The following ITGA8 variants were observed in gnomAD, a reference collection of about 807,000 sequenced individuals.
The protein encoded by ITGA8 is integrin alpha-8.
Under a neutral mutation model 142.3 loss-of-function variants are expected in ITGA8, and 91 were observed. The ratio of observed to expected loss-of-function variants is 0.64; its 90% CI spans 0.54 to 0.76. The LOEUF is 0.76. Among genes scored for constraint, ITGA8 ranks in the 30% least tolerant of loss-of-function variants. The probability of loss-of-function intolerance (pLI) is 0.00; values close to 1 mark genes in which losing one functional copy is unlikely to be tolerated. For missense variants in ITGA8, 1,406 were observed against 1,327.7 expected (o/e 1.06, Z -0.92); for synonymous variants, 505 against 485.2 (o/e 1.04, Z -0.54).
In ITGA8 at chr10:15,667,432, G is replaced by T. The variant is rs535528859; in HGVS notation, c.847+4171C>A. 2.0e-5 allele frequency among the ~76,000 whole-genome samples: 3 copies of T among 152,016 alleles called. No homozygotes were observed. The South Asian group carries it at 6.3e-4, about 32-fold the overall frequency. ...CTTTTCTTCTTTATTAGTCTTGCTAGTGGTCTATCAATTTTGTTGATCTTT... is the reference window on the plus strand; with the variant it reads ...CTTTTCTTCTTTATTAGTCTTGCTATTGGTCTATCAATTTTGTTGATCTTT... On this transcript the variant is annotated intron_variant, in intron 8 of 29. Transcript: ENST00000378076.
At chr10:15,658,521 T>G (rs202187514) in intron 10 of ITGA8, among the ~76,000 whole-genome samples, 9 of 123,904 alleles carry the variant, frequency 7.3e-5, no homozygotes, top group Admixed American at 1.7e-4. Flanking sequence ...TCTTCACACA[T>G]GTCTGGCTGG....
chr10:15,641,703 A>C (rs574164979), intron 13 of ITGA8, among the ~76,000 whole-genome samples: 158 of 152,284 alleles, frequency 1.0e-3, no homozygotes, highest in Non-Finnish European at 1.5e-3. Flanking sequence ...TTAGTAAAGA[A>C]CATTTACTTC....
chr10:15,577,617 G>A (rs984668703), intron 23 of ITGA8, among the ~76,000 whole-genome samples: 4 of 151,844 alleles, frequency 2.6e-5, no homozygotes, highest in African/African-American at 7.3e-5. Context: ...TTTACCCACC[G>A]AAGACTACTT....
intron 2 of ITGA8, among the ~76,000 whole-genome samples, chr10:15,718,256 C>A (rs1835490020): frequency 6.6e-6 from 1 of 152,184 alleles, no homozygotes; most frequent in African/African-American, 2.4e-5. Context: ...AGTTTGCATT[C>A]AATGTCTAAT....
chr10:15,523,756 C>CAAA (rs11388685), intron 28 of ITGA8, among the ~76,000 whole-genome samples: 15,135 of 116,796 alleles, frequency 0.13, 1,036 homozygotes, highest in African/African-American at 0.18. Flanking sequence ...CTAAAAATAC[C>CAAA]AAAAAAAAAA....
chr10:15,565,421 G>A (rs1282640577), intron 25 of ITGA8, among the ~76,000 whole-genome samples: 2 of 151,958 alleles, frequency 1.3e-5, no homozygotes, highest in African/African-American at 2.4e-5. Context: ...AGACAGCCGA[G>A]TATTGAAGGG....
At chr10:15,581,612 G>A (rs1834408109) in intron 23 of ITGA8, among the ~76,000 whole-genome samples, 1 of 152,056 alleles carries the variant, frequency 6.6e-6, no homozygotes, top group Non-Finnish European at 1.5e-5. Flanking sequence ...CTTTATAATT[G>A]GATAAACTTT....
At chr10:15,583,702 G>T (rs1025749083) in intron 23 of ITGA8, among the ~76,000 whole-genome samples, 1 of 152,024 alleles carries the variant, frequency 6.6e-6, no homozygotes, top group Non-Finnish European at 1.5e-5. Flanking sequence ...CCAGGGTCTC[G>T]GGGTGGGGAA....
At chr10:15,590,513 A>C (rs1832905586) in intron 22 of ITGA8, among the ~76,000 whole-genome samples, 1 of 152,246 alleles carries the variant, frequency 6.6e-6, no homozygotes, top group Non-Finnish European at 1.5e-5. Context: ...ATCTTTCCAC[A>C]GGTGACACAA....
At chr10:15,702,122 T>A (rs193061881) in intron 2 of ITGA8, among the ~76,000 whole-genome samples, 2 of 152,292 alleles carry the variant, frequency 1.3e-5, no homozygotes, top group East Asian at 3.8e-4. Context: ...ATATCACAGT[T>A]TTCCTTACGA....
chr10:15,599,407 T>G (rs949032944), intron 20 of ITGA8, among the ~76,000 whole-genome samples: 11 of 152,146 alleles, frequency 7.2e-5, no homozygotes, highest in African/African-American at 2.7e-4. Context: ...TGAGACCCCT[T>G]GTCCTCACTG....
rs186945908 is a variant in ITGA8, at chr10:15,666,019, C to T, written c.848-5097G>A. Among the ~76,000 whole-genome samples, 645 of 152,138 alleles carry T rather than the reference C, an allele frequency of 4.2e-3. 3 individuals are homozygous for T. The highest frequency in any genetic ancestry group is 7.6e-3 in the Non-Finnish European group (517 of 67,988). Reference sequence around the variant, plus strand: ...AAGCCGGCTCTTTTTTGGTTCCATACGAACTTTAAAGTAGTTTTTTTCCAA... The same window carrying T: ...AAGCCGGCTCTTTTTTGGTTCCATATGAACTTTAAAGTAGTTTTTTTCCAA... On this transcript the variant is annotated intron_variant, in intron 8 of 29. Coordinates refer to ENST00000378076, the MANE Select transcript of ITGA8 (RefSeq NM_003638.3).
chr10:15,607,537 T>A, intron 17 of ITGA8, 140 bp downstream of exon 17: 1 of 780,306 alleles, frequency 1.3e-6, no homozygotes, highest in South Asian at 1.7e-5. Flanking sequence ...TATTTGACCC[T>A]AAAATAAAGT....
At chr10:15,554,282 G>T (rs17137460) in intron 26 of ITGA8, among the ~76,000 whole-genome samples, 1 of 152,016 alleles carries the variant, frequency 6.6e-6, no homozygotes, top group Non-Finnish European at 1.5e-5. Context: ...TGATAACTCC[G>T]ACCGGGACCC....
chr10:15,572,250 C>T lies in ITGA8; in HGVS notation c.2598G>A (p.Gln866=), dbSNP rs1257696661. Residue 866 remains glutamine, a synonymous_variant, in exon 25 of 30, where the codon CAG becomes CAA. Coordinates refer to ENST00000378076, the MANE Select transcript of ITGA8 (RefSeq NM_003638.3). ...GATTGATATTAGGATTTGGTTGGCA[C>T]TGCAGAGGTCCCAGAGTTTGAATAT... ...IFHIQTLGPL[Q]CQPNPNINPQ... is the part of the protein sequence containing the mutation. 1 of 1,613,882 alleles carries T rather than the reference C, an allele frequency of 6.2e-7. No individual in the cohort carries two copies. The highest frequency in any genetic ancestry group is 2.2e-5 in the East Asian group (1 of 44,882).
chr10:15,690,029 T>A (rs1834903793), intron 2 of ITGA8, among the ~76,000 whole-genome samples: 1 of 152,010 alleles, frequency 6.6e-6, no homozygotes, highest in South Asian at 2.1e-4. Flanking sequence ...GACTCTGCAC[T>A]CGAGCCCGTG....
intron 27 of ITGA8, among the ~76,000 whole-genome samples, chr10:15,531,507 TC>T (rs1365411526): frequency 7.2e-6 from 1 of 139,324 alleles, no homozygotes; most frequent in Non-Finnish European, 1.6e-5. Flanking sequence ...AAACAGAAAA[TC>T]AGAGTCCTAA....
chr10:15,522,535 C>T (rs1185048905), intron 28 of ITGA8, among the ~76,000 whole-genome samples: 1 of 152,190 alleles, frequency 6.6e-6, no homozygotes, highest in Non-Finnish European at 1.5e-5. Context: ...GGAGAGAAAT[C>T]TGGAGCCATG....
At chr10:15,669,173 G>T (rs867241557) in intron 8 of ITGA8, among the ~76,000 whole-genome samples, 1 of 151,990 alleles carries the variant, frequency 6.6e-6, no homozygotes, top group African/African-American at 2.4e-5. Flanking sequence ...ATGTAGATTT[G>T]GTCTTTTCAC....
Sources: allele counts gnomAD v4.1 joint callset (sites outside exome capture counted in the v4.1 genomes callset), GRCh38; gene constraint gnomAD v4.1.1; transcripts MANE v1.5; gene names NCBI Gene and HGNC (gene_info 2026-07-23, HGNC 2026-07-21).